Variants in ATRNL1 observed in about 807,000 individuals in gnomAD.
The protein encoded by ATRNL1 is attractin like 1.
A neutral mutation model predicts 182.7 loss-of-function variants in ATRNL1; 95 were observed. The ratio of observed to expected loss-of-function variants is 0.52; its 90% CI spans 0.44 to 0.62. The LOEUF (loss-of-function observed/expected upper bound fraction) is 0.62. ATRNL1 is among the 20% of genes least tolerant of loss of function. ATRNL1 has a pLI of 0.00. For missense variants in ATRNL1, 1,471 were observed against 1,679.5 expected (o/e 0.88, Z 2.17); for synonymous variants, 576 against 568.3 (o/e 1.01, Z -0.19).
chr10:115,448,822 A>G (rs1043349275), intron 21 of ATRNL1, among the ~76,000 whole-genome samples: 1 of 152,064 alleles, frequency 6.6e-6, no homozygotes. Context: ...AAAAACTGCA[A>G]TTACTTTTGC....
chr10:115,130,142 A>G (rs559863348), intron 5 of ATRNL1, among the ~76,000 whole-genome samples: 2 of 152,272 alleles, frequency 1.3e-5, no homozygotes, highest in South Asian at 2.1e-4. Context: ...TGTATATAAA[A>G]TAATAAATAT....
intron 14 of ATRNL1, among the ~76,000 whole-genome samples, chr10:115,283,611 G>A (rs1852474426): frequency 6.6e-6 from 1 of 152,136 alleles, no homozygotes; most frequent in Admixed American, 6.5e-5. Context: ...AGTTGAAAGT[G>A]GTATTGGTCT....
intron 13 of ATRNL1, among the ~76,000 whole-genome samples, chr10:115,280,989 A>C (rs981006617): frequency 1.3e-5 from 2 of 152,308 alleles, no homozygotes; most frequent in East Asian, 1.9e-4. Context: ...AGCTTTGCCT[A>C]ATGCCATTGT....
intron 26 of ATRNL1, among the ~76,000 whole-genome samples, chr10:115,694,470 G>T (rs1555049144): frequency 2.6e-5 from 4 of 151,918 alleles, no homozygotes. Context: ...GTAAAATTCA[G>T]GTAGCAATGT....
At chr10:115,788,658 G>T (rs1949452711) in intron 27 of ATRNL1, among the ~76,000 whole-genome samples, 1 of 152,202 alleles carries the variant, frequency 6.6e-6, no homozygotes, top group South Asian at 2.1e-4. Context: ...AATGAAAATT[G>T]TCCCCACCAA....
intron 20 of ATRNL1, among the ~76,000 whole-genome samples, chr10:115,417,997 T>C (rs1337400869): frequency 1.3e-5 from 2 of 152,188 alleles, no homozygotes; most frequent in African/African-American, 4.8e-5. Context: ...GATCTCTCAG[T>C]GCACACACAT....
intron 19 of ATRNL1, among the ~76,000 whole-genome samples, chr10:115,382,882 G>C (rs144391348): frequency 6.6e-6 from 1 of 151,614 alleles, no homozygotes; most frequent in African/African-American, 2.4e-5. Context: ...TCAAGTACCC[G>C]TATTTGTGCA....
chr10:115,382,692 CTTT>C (rs34063669), intron 19 of ATRNL1, among the ~76,000 whole-genome samples: 4 of 114,280 alleles, frequency 3.5e-5, no homozygotes, highest in African/African-American at 9.1e-5. Context: ...CTGTTCTTTG[CTTT>C]TTTTTTTTTT....
At chr10:115,742,103 A>G (rs1039058321) in intron 27 of ATRNL1, among the ~76,000 whole-genome samples, 11 of 152,202 alleles carry the variant, frequency 7.2e-5, no homozygotes, top group East Asian at 1.9e-4. Flanking sequence ...AAATGGCAGA[A>G]GCCAGACCGC....
At chr10:115,330,379 G>A (rs1284649723) in intron 18 of ATRNL1, among the ~76,000 whole-genome samples, 1 of 151,920 alleles carries the variant, frequency 6.6e-6, no homozygotes, top group African/African-American at 2.4e-5. Flanking sequence ...CAGTTTTATA[G>A]TTTTGAACTT....
At chr10:115,805,185 A>G (rs1383151281) in intron 27 of ATRNL1, among the ~76,000 whole-genome samples, 1 of 152,162 alleles carries the variant, frequency 6.6e-6, no homozygotes, top group East Asian at 1.9e-4. Context: ...ACTTATCTGT[A>G]ATCCTATTAG....
At chr10:115,678,006 C>T (rs185695850) in intron 26 of ATRNL1, among the ~76,000 whole-genome samples, 2 of 152,060 alleles carry the variant, frequency 1.3e-5, no homozygotes, top group East Asian at 1.9e-4. Context: ...CATAGTGAAA[C>T]GAATGAAAAT....
chr10:115,381,519 C>T (rs1164810538), intron 19 of ATRNL1, among the ~76,000 whole-genome samples: 18 of 149,230 alleles, frequency 1.2e-4, no homozygotes, highest in Admixed American at 6.7e-4. Context: ...GTGATCCGCC[C>T]GTCTCGGCCT....
intron 27 of ATRNL1, among the ~76,000 whole-genome samples, chr10:115,827,474 T>C (rs1488966738): frequency 1.3e-5 from 2 of 152,166 alleles, no homozygotes; most frequent in African/African-American, 4.8e-5. Flanking sequence ...CAATTTCCCA[T>C]GTGGTGTTGC....
chr10:115,731,578 G>A (rs982923578), intron 27 of ATRNL1, among the ~76,000 whole-genome samples: 1 of 151,018 alleles, frequency 6.6e-6, no homozygotes, highest in Non-Finnish European at 1.5e-5. Flanking sequence ...AGTTATTAAT[G>A]TATGGTATTT....
intron 8 of ATRNL1, among the ~76,000 whole-genome samples, chr10:115,197,417 G>A (rs1554891299): frequency 6.6e-6 from 1 of 152,054 alleles, no homozygotes; most frequent in East Asian, 1.9e-4. Flanking sequence ...AAGAGTTTAT[G>A]TAGAATTGAT....
At position 115,911,996 on chromosome 10, in the gene ATRNL1, C is replaced by T. The variant is rs543622102; in HGVS notation, c.4019-32662C>T. On this transcript the variant is annotated intron_variant, in intron 28 of 28. Transcript: ENST00000355044. ...CTATGTTTCTCACCACTACACCATG[C>T]GCTAACACAAGACTATTCAATGATT... 6.6e-5 allele frequency among the ~76,000 whole-genome samples: 10 copies of T among 152,250 alleles called. No homozygotes were observed. In the South Asian group the frequency reaches 1.2e-3, roughly 19 times the overall value.
At chr10:115,702,386 C>T (rs1946765439) in intron 26 of ATRNL1, among the ~76,000 whole-genome samples, 1 of 151,976 alleles carries the variant, frequency 6.6e-6, no homozygotes, top group Non-Finnish European at 1.5e-5. Context: ...TTTCACTATT[C>T]CTATTCAACA....
chr10:115,716,390 T>A (rs1947253168), intron 26 of ATRNL1, among the ~76,000 whole-genome samples: 1 of 152,166 alleles, frequency 6.6e-6, no homozygotes, highest in African/African-American at 2.4e-5. Flanking sequence ...TGTGGGTCAT[T>A]TACGTATCCA....
Sources: allele counts gnomAD v4.1 joint callset (sites outside exome capture counted in the v4.1 genomes callset), GRCh38; gene constraint gnomAD v4.1.1; transcripts MANE v1.5; gene names NCBI Gene and HGNC (gene_info 2026-07-23, HGNC 2026-07-21).